METTL24: variants seen among roughly 807,000 people sequenced by gnomAD.
METTL24 encodes methyltransferase like 24.
A neutral mutation model predicts 32.7 loss-of-function variants in METTL24; 29 were observed. The observed-to-expected ratio is 0.89, with a 90% CI of 0.66 to 1.21. METTL24 has a LOEUF of 1.21. METTL24 is among the 50% of genes most tolerant of loss of function. The pLI is 0.00. For synonymous variants in METTL24, 163 were observed against 179.5 expected, an observed-to-expected ratio of 0.91 and a Z score of 0.73; for missense variants, 439 against 468.1, an observed-to-expected ratio of 0.94 and a Z score of 0.57.
chr6:110,330,978 CAA>C (rs1303878819), intron 1 of METTL24, among the ~76,000 whole-genome samples: 4 of 152,068 alleles, frequency 2.6e-5, no homozygotes, highest in Non-Finnish European at 5.9e-5. Flanking sequence ...AAATTTTTGG[CAA>C]AGACTTAAGA....
intron 2 of METTL24, among the ~76,000 whole-genome samples, chr6:110,322,169 G>A (rs962251246): frequency 1.3e-5 from 2 of 152,140 alleles, no homozygotes; most frequent in Non-Finnish European, 2.9e-5. Flanking sequence ...TTGCCTGCTC[G>A]GGGCACTGGC....
At chr6:110,278,848 G>A (rs946997664) in intron 4 of METTL24, among the ~76,000 whole-genome samples, 4 of 152,054 alleles carry the variant, frequency 2.6e-5, no homozygotes, top group African/African-American at 4.8e-5. Flanking sequence ...ACAGTGAGAC[G>A]TCATCTCTAC....
At chr6:110,306,360 AAC>A (rs1771628273) in intron 3 of METTL24, among the ~76,000 whole-genome samples, 1 of 151,616 alleles carries the variant, frequency 6.6e-6, no homozygotes, top group African/African-American at 2.4e-5. Flanking sequence ...AAAAAAAGAA[AAC>A]AGTTTTTTAC....
At chr6:110,299,275 T>C (rs1254236177) in intron 3 of METTL24, 125 bp from the exon 4 acceptor site, 5 of 753,760 alleles carry the variant, frequency 6.6e-6, no homozygotes, top group African/African-American at 5.2e-5. Flanking sequence ...TTTTAACCCA[T>C]GGCTAATGTA....
chr6:110,310,438 C>T (rs1771701354), intron 3 of METTL24, among the ~76,000 whole-genome samples: 1 of 152,066 alleles, frequency 6.6e-6, no homozygotes, highest in Non-Finnish European at 1.5e-5. Context: ...TCCACTGCTC[C>T]ACCATCACCC....
intron 3 of METTL24, among the ~76,000 whole-genome samples, chr6:110,303,836 C>G (rs571934991): frequency 6.6e-6 from 1 of 152,362 alleles, no homozygotes; most frequent in African/African-American, 2.4e-5. Context: ...ACTGCCTCTG[C>G]AAGTGGGTAC....
In METTL24 at chr6:110,287,326, C is replaced by T. The variant is rs118173400; in HGVS notation, c.786+11596G>A. On this transcript the variant is annotated intron_variant, in intron 4 of 4. Transcript: ENST00000338882. ...GGGTCCACTGCAGATTGACGGAGACCGACAGATGTCTCTGCATTTCAAATT... is the reference window on the plus strand; with the variant it reads ...GGGTCCACTGCAGATTGACGGAGACTGACAGATGTCTCTGCATTTCAAATT... Among the ~76,000 whole-genome samples the T allele has an allele frequency of 8.2e-3, 1,244 of 152,198 alleles. 8 individuals carry two copies. The highest frequency in any genetic ancestry group is 0.017 in the Middle Eastern group (5 of 294).
intron 4 of METTL24, among the ~76,000 whole-genome samples, chr6:110,284,643 G>T (rs538797968): frequency 2.0e-5 from 3 of 152,044 alleles, no homozygotes; most frequent in African/African-American, 7.2e-5. Context: ...GGTTGAATTT[G>T]ACATAATATT....
chr6:110,319,355 G>A lies in METTL24; in HGVS notation c.417+3419C>T, dbSNP rs145843950. Among the ~76,000 whole-genome samples the A allele has an allele frequency of 1.5e-3, 220 of 151,718 alleles. 1 individual carries two copies. Among genetic ancestry groups the A allele is most frequent in the African/African-American group, 5.1e-3 (212 of 41,264 alleles). ...TTATATTCTGAATATCCAGAGCATGGGTTCTTATTCTTAGGTTATTCTTAC... is the reference window on the plus strand; with the variant it reads ...TTATATTCTGAATATCCAGAGCATGAGTTCTTATTCTTAGGTTATTCTTAC... On this transcript the variant is annotated intron_variant, in intron 2 of 4. Transcript: ENST00000338882.
intron 1 of METTL24, among the ~76,000 whole-genome samples, chr6:110,337,373 T>C (rs1190829253): frequency 1.3e-5 from 2 of 152,176 alleles, no homozygotes; most frequent in Non-Finnish European, 2.9e-5. Flanking sequence ...ACCCCCATTA[T>C]ATGAGTTTAC....
At chr6:110,291,101 A>G (rs986382379) in intron 4 of METTL24, among the ~76,000 whole-genome samples, 1 of 152,148 alleles carries the variant, frequency 6.6e-6, no homozygotes, top group Non-Finnish European at 1.5e-5. Context: ...TTCTGGATAC[A>G]AGTCCTTTTC....
chr6:110,245,012 T>TCA lies in METTL24; in HGVS notation c.*933_*934insTG, dbSNP rs1778126658. Reference sequence around the variant, plus strand: ...TATCTATCTATCTATCATCTATCTATTTATCTACCTACCTACCTACAATGG... The same window carrying TCA: ...TATCTATCTATCTATCATCTATCTATCATTATCTACCTACCTACCTACAATGG... On this transcript the variant is annotated 3_prime_UTR_variant, in exon 5 of 5. Transcript: ENST00000338882. Among the ~76,000 whole-genome samples, 2 of 152,016 alleles carry TCA rather than the reference T, an allele frequency of 1.3e-5. No individual in the cohort carries two copies. The highest frequency in any genetic ancestry group is 2.4e-5 in the African/African-American group (1 of 41,346).
chr6:110,274,386 A>T (rs1771008792), intron 4 of METTL24, among the ~76,000 whole-genome samples: 1 of 152,074 alleles, frequency 6.6e-6, no homozygotes, highest in South Asian at 2.1e-4. Flanking sequence ...AGCCACCATT[A>T]TTCTAAATGA....
intron 1 of METTL24, among the ~76,000 whole-genome samples, chr6:110,350,215 A>T (rs1264217524): frequency 6.6e-6 from 1 of 152,238 alleles, no homozygotes; most frequent in African/African-American, 2.4e-5. Context: ...AAGAATAGTA[A>T]ATACTCACTA....
chr6:110,252,108 T>C (rs1185520072), intron 4 of METTL24, among the ~76,000 whole-genome samples: 1 of 152,110 alleles, frequency 6.6e-6, no homozygotes, highest in Non-Finnish European at 1.5e-5. Context: ...GGCGCCATGA[T>C]ACTCCAGCCT....
At chr6:110,317,627 T>G (rs1467985688) in intron 2 of METTL24, among the ~76,000 whole-genome samples, 1 of 152,082 alleles carries the variant, frequency 6.6e-6, no homozygotes, top group Non-Finnish European at 1.5e-5. Flanking sequence ...AATGGTATGA[T>G]GATCCCCATT....
At chr6:110,353,487 G>A (rs1325366169) in intron 1 of METTL24, among the ~76,000 whole-genome samples, 2 of 150,524 alleles carry the variant, frequency 1.3e-5, no homozygotes, top group Non-Finnish European at 2.9e-5. Context: ...AAGATGACAA[G>A]AAGTGAGAAA....
chr6:110,342,427 T>C (rs1772377598), intron 1 of METTL24, among the ~76,000 whole-genome samples: 3 of 152,138 alleles, frequency 2.0e-5, no homozygotes, highest in African/African-American at 4.8e-5. Context: ...CACAAGTGAG[T>C]ACCATCAGGC....
chr6:110,338,637 T>C lies in METTL24; in HGVS notation c.319-15765A>G, dbSNP rs183080092. 5.7e-3 allele frequency among the ~76,000 whole-genome samples: 872 copies of C among 152,340 alleles called. 8 individuals are homozygous for C. Among genetic ancestry groups the C allele is most frequent in the African/African-American group, 0.02 (817 of 41,576 alleles). ...GAGAAAAACTACAAGGAAGCATTTT[T>C]GAGAATTTAAAACACTTCATTAAAA... is the stretch of plus-strand genomic sequence containing the variant. On this transcript the variant is annotated intron_variant, in intron 1 of 4. Transcript: ENST00000338882.
Sources: gnomAD v4.1 joint callset for allele counts (sites outside exome capture counted in the v4.1 genomes callset) on GRCh38, gnomAD v4.1.1 for gene constraint, MANE v1.5 for transcripts, NCBI Gene and HGNC (gene_info 2026-07-23, HGNC 2026-07-21) for gene names.